The following MOB3B variants were observed in gnomAD, a reference collection of about 807,000 sequenced individuals.
MOB3B encodes MOB kinase activator-like 2B.
MOB3B carries 7 observed loss-of-function variants against 18.7 expected under a neutral mutation model. That is an observed-to-expected ratio of 0.37 (90% CI 0.21 to 0.70). The LOEUF (loss-of-function observed/expected upper bound fraction) is 0.70, where lower values mean the gene tolerates loss of function less well. MOB3B is among the 30% of genes least tolerant of loss of function. The pLI, the probability that MOB3B is intolerant of heterozygous loss-of-function variation, is 0.52. For synonymous variants in MOB3B, 111 were observed against 99.9 expected (o/e 1.11, Z -0.66); for missense variants, 253 against 281.3 (o/e 0.90, Z 0.72).
intron 2 of MOB3B, among the ~76,000 whole-genome samples, chr9:27,408,170 CT>C (rs1440163602): frequency 2.0e-5 from 3 of 152,168 alleles, no homozygotes; most frequent in African/African-American, 7.2e-5. Flanking sequence ...AATCTGTTGA[CT>C]TTTTACCCCA....
intron 2 of MOB3B, among the ~76,000 whole-genome samples, chr9:27,439,531 AG>A (rs1309793170): frequency 3.3e-5 from 5 of 152,208 alleles, no homozygotes; most frequent in Admixed American, 6.5e-5. Context: ...GCAGACCATG[AG>A]TCAAATTCCA....
chr9:27,407,438 G>T (rs1265285327), intron 2 of MOB3B, among the ~76,000 whole-genome samples: 1 of 152,210 alleles, frequency 6.6e-6, no homozygotes, highest in African/African-American at 2.4e-5. Flanking sequence ...ACTCAGAAGT[G>T]TGGAGAAAAT....
intron 2 of MOB3B, among the ~76,000 whole-genome samples, chr9:27,435,914 T>C (rs1822493534): frequency 6.6e-6 from 1 of 152,166 alleles, no homozygotes; most frequent in Admixed American, 6.6e-5. Context: ...ACCAGAGTTC[T>C]TTCTAAGACT....
At chr9:27,459,876 C>CAAAAAAA (rs35792761) in intron 1 of MOB3B, among the ~76,000 whole-genome samples, 1 of 86,738 alleles carries the variant, frequency 1.2e-5, no homozygotes. Context: ...TTTCAGTCTC[C>CAAAAAAA]AAAAAAAAAA....
chr9:27,483,925 T>C (rs1819699224), intron 1 of MOB3B, among the ~76,000 whole-genome samples: 1 of 152,180 alleles, frequency 6.6e-6, no homozygotes, highest in Non-Finnish European at 1.5e-5. Context: ...CTACAGACTC[T>C]GGAAAATGCT....
chr9:27,481,171 C>T (rs576099649), intron 1 of MOB3B, among the ~76,000 whole-genome samples: 2 of 152,260 alleles, frequency 1.3e-5, no homozygotes, highest in Admixed American at 6.5e-5. Context: ...AATGAACTCG[C>T]TCATCCATAA....
intron 2 of MOB3B, among the ~76,000 whole-genome samples, chr9:27,399,571 C>T (rs548998933): frequency 6.6e-6 from 1 of 152,284 alleles, no homozygotes; most frequent in South Asian, 2.1e-4. Context: ...TTCAGACACC[C>T]AGGTGGACCT....
At chr9:27,525,541 A>G (rs1345702144) in intron 1 of MOB3B, among the ~76,000 whole-genome samples, 4 of 152,124 alleles carry the variant, frequency 2.6e-5, no homozygotes, top group Admixed American at 6.5e-5. Flanking sequence ...CATTACTTTA[A>G]GAGTGAAGAT....
At chr9:27,515,075 A>G (rs1325783128) in intron 1 of MOB3B, among the ~76,000 whole-genome samples, 1 of 152,138 alleles carries the variant, frequency 6.6e-6, no homozygotes, top group Non-Finnish European at 1.5e-5. Context: ...AACAGATTAT[A>G]TTATCTCTTT....
chr9:27,521,545 A>C (rs559626194), intron 1 of MOB3B, among the ~76,000 whole-genome samples: 1 of 152,312 alleles, frequency 6.6e-6, no homozygotes, highest in African/African-American at 2.4e-5. Flanking sequence ...TTTAAAACCC[A>C]TGGTTAAGGA....
intron 2 of MOB3B, among the ~76,000 whole-genome samples, chr9:27,428,160 A>G (rs1822365672): frequency 6.6e-6 from 1 of 152,168 alleles, no homozygotes; most frequent in Non-Finnish European, 1.5e-5. Flanking sequence ...AGGGGCTGCT[A>G]TGGACTAGGC....
intron 2 of MOB3B, among the ~76,000 whole-genome samples, chr9:27,438,285 A>G (rs996525193): frequency 6.6e-6 from 1 of 152,216 alleles, no homozygotes; most frequent in African/African-American, 2.4e-5. Flanking sequence ...AACTGGATTC[A>G]AAGCCCTGTT....
At chr9:27,377,750 G>A (rs999060416) in intron 2 of MOB3B, among the ~76,000 whole-genome samples, 9 of 152,212 alleles carry the variant, frequency 5.9e-5, no homozygotes, top group Non-Finnish European at 1.2e-4. Context: ...AAAAACTAGC[G>A]AAATGTTCTC....
At chr9:27,437,980 A>G (rs1446228703) in intron 2 of MOB3B, among the ~76,000 whole-genome samples, 1 of 152,246 alleles carries the variant, frequency 6.6e-6, no homozygotes, top group East Asian at 1.9e-4. Context: ...GCTGGACTAG[A>G]TGAAAAGGGG....
intron 2 of MOB3B, among the ~76,000 whole-genome samples, chr9:27,411,027 G>A (rs1213957666): frequency 2.6e-5 from 4 of 152,210 alleles, no homozygotes; most frequent in African/African-American, 7.2e-5. Context: ...AAGTCTAGCA[G>A]AAACTTGGTT....
rs572607034 is a variant in MOB3B, at chr9:27,509,880, G to A, written c.-199+19675C>T. Among the ~76,000 whole-genome samples, 39 of 152,104 alleles carry A rather than the reference G, an allele frequency of 2.6e-4. 2 individuals are homozygous for A. The South Asian group carries it at 5.2e-3, about 20-fold the overall frequency. On this transcript the variant is annotated intron_variant, in intron 1 of 3. Transcript: ENST00000262244. ...GCTGGGATTACAGGCGCGCAGCACC[G>A]CGTCCGGCTAATTTTTGTATTTTTA...
chr9:27,413,337 T>G (rs897112526), intron 2 of MOB3B, among the ~76,000 whole-genome samples: 5 of 152,182 alleles, frequency 3.3e-5, no homozygotes, highest in African/African-American at 7.2e-5. Flanking sequence ...CTTTTTTTTT[T>G]TGTGGAGCTT....
chr9:27,480,161 T>A (rs755246315), intron 1 of MOB3B, among the ~76,000 whole-genome samples: 5 of 152,146 alleles, frequency 3.3e-5, no homozygotes, highest in Non-Finnish European at 7.4e-5. Flanking sequence ...CATAACTTTT[T>A]TTTTTCTTTG....
chr9:27,452,616 C>T (rs763340852), intron 2 of MOB3B, among the ~76,000 whole-genome samples: 1 of 152,016 alleles, frequency 6.6e-6, no homozygotes, highest in Non-Finnish European at 1.5e-5. Flanking sequence ...AGAAGTCATA[C>T]AAATGGCTAA....
Sources: gnomAD v4.1 joint callset for allele counts (sites outside exome capture counted in the v4.1 genomes callset) on GRCh38, gnomAD v4.1.1 for gene constraint, MANE v1.5 for transcripts, NCBI Gene and HGNC (gene_info 2026-07-23, HGNC 2026-07-21) for gene names.